Variants in NDUFA10 observed in about 807,000 individuals in gnomAD.
NDUFA10 encodes the protein NADH dehydrogenase [ubiquinone] 1 alpha subcomplex subunit 10, mitochondrial.
Under a neutral mutation model 47.8 loss-of-function variants are expected in NDUFA10, and 40 were observed. The observed-to-expected ratio is 0.84, with a 90% confidence interval of 0.65 to 1.09. NDUFA10 has a LOEUF of 1.09. Among genes scored for constraint, NDUFA10 ranks in the 50% least tolerant of loss-of-function variants. NDUFA10 has a pLI of 0.00. For missense variants in NDUFA10, 413 were observed against 451.1 expected (o/e 0.92, Z 0.76); for synonymous variants, 183 against 172.2 (o/e 1.06, Z -0.49).
chr2:239,922,365 G>T (rs1262088300), intron 4 of NDUFA10, among the ~76,000 whole-genome samples: 1 of 152,172 alleles, frequency 6.6e-6, no homozygotes, highest in Non-Finnish European at 1.5e-5. Flanking sequence ...GTCTCAGAGG[G>T]GCTCAAGGCA....
At chr2:239,935,065 T>C (rs1694241375) in intron 4 of NDUFA10, among the ~76,000 whole-genome samples, 1 of 151,852 alleles carries the variant, frequency 6.6e-6, no homozygotes, top group Admixed American at 6.6e-5. Flanking sequence ...CCTGGGAGAG[T>C]CCTTCTCTCT....
intron 8 of NDUFA10, among the ~76,000 whole-genome samples, chr2:239,991,049 G>A (rs1332827815): frequency 6.6e-6 from 1 of 152,138 alleles, no homozygotes; most frequent in East Asian, 1.9e-4. Flanking sequence ...GAAATTATGT[G>A]AGTGTATCTG....
chr2:239,940,268 C>T (rs1694339976), intron 4 of NDUFA10, among the ~76,000 whole-genome samples: 1 of 152,218 alleles, frequency 6.6e-6, no homozygotes, highest in Non-Finnish European at 1.5e-5. Context: ...GGATGTGGCC[C>T]CCGGGCCAGT....
chr2:239,916,040 TCACA>T (rs1021539694), intron 4 of NDUFA10, among the ~76,000 whole-genome samples: 22 of 81,374 alleles, frequency 2.7e-4, no homozygotes, highest in African/African-American at 1.4e-3. Context: ...ACAGAGATAC[TCACA>T]CAAACATACA....
intron 9 of NDUFA10, among the ~76,000 whole-genome samples, chr2:239,977,228 C>T (rs1488466257): frequency 1.3e-5 from 2 of 152,218 alleles, no homozygotes; most frequent in Non-Finnish European, 2.9e-5. Flanking sequence ...GCCGTCTTCT[C>T]GTGTTGTTCA....
chr2:240,022,439 A>G, intron 1 of NDUFA10, 99 bp from the exon 2 acceptor site: 1 of 1,525,566 alleles, frequency 6.6e-7, no homozygotes. Context: ...CCTCTTAGTG[A>G]TAAAAATGCC....
intron 9 of NDUFA10, chr2:239,973,493 A>T (rs1348398987): frequency 2.1e-6 from 1 of 470,872 alleles, no homozygotes; most frequent in Non-Finnish European, 4.4e-6. Context: ...TAGTAAAAGA[A>T]ACAAAAATAG....
At chr2:239,982,852 G>C (rs77849647) in intron 9 of NDUFA10, among the ~76,000 whole-genome samples, 2,461 of 152,326 alleles carry the variant, frequency 0.016, 69 homozygotes, top group African/African-American at 0.057. Context: ...TAGAGCAACA[G>C]TTGTTTTTTC....
At chr2:239,934,702 T>C (rs957186211) in intron 4 of NDUFA10, among the ~76,000 whole-genome samples, 1 of 152,186 alleles carries the variant, frequency 6.6e-6, no homozygotes, top group Non-Finnish European at 1.5e-5. Flanking sequence ...TCATTCGTCC[T>C]GTCAGCTGCG....
intron 4 of NDUFA10, among the ~76,000 whole-genome samples, chr2:239,909,784 A>G (rs1693717294): frequency 6.6e-6 from 1 of 152,228 alleles, no homozygotes; most frequent in African/African-American, 2.4e-5. Flanking sequence ...CTGCACAGCA[A>G]AAGAAACTAT....
At chr2:239,917,745 T>C (rs921358817) in intron 4 of NDUFA10, among the ~76,000 whole-genome samples, 3 of 152,242 alleles carry the variant, frequency 2.0e-5, no homozygotes, top group Non-Finnish European at 4.4e-5. Context: ...AGTCATGTGC[T>C]GTCTTTGTTC....
chr2:239,927,113 G>A (rs1055587550), intron 4 of NDUFA10, among the ~76,000 whole-genome samples: 2 of 152,130 alleles, frequency 1.3e-5, no homozygotes, highest in Non-Finnish European at 2.9e-5. Context: ...AGACTTGGGT[G>A]GGGACACAGT....
chr2:239,986,250 T>A (rs1298238247), intron 9 of NDUFA10, among the ~76,000 whole-genome samples: 1 of 152,214 alleles, frequency 6.6e-6, no homozygotes, highest in East Asian at 1.9e-4. Context: ...CCTGCAGGAA[T>A]GAAGACAGCC....
rs373237659 is a variant in NDUFA10, at chr2:240,016,155, C to T, written c.548-1295G>A. On this transcript the variant is annotated intron_variant, in intron 4 of 9. Coordinates refer to ENST00000252711, the MANE Select transcript of NDUFA10 (RefSeq NM_004544.4). This position sits in a 1 kb window ranked among gnomAD's most constrained non-coding sequence, Gnocchi z 4.4. ...CTTTGGCTCAGGGTCAGGAACGGCA[C>T]GAGCTAAAGAACAAGGAAGACCACC... Among the ~76,000 whole-genome samples, 9 of 152,298 alleles carry T rather than the reference C, an allele frequency of 5.9e-5. No homozygotes were observed. The East Asian group carries it at 1.4e-3, about 23-fold the overall frequency.
At chr2:240,005,402 G>A in intron 7 of NDUFA10, 107 bp from the exon 8 acceptor site, 1 of 879,676 alleles carries the variant, frequency 1.1e-6, no homozygotes, top group Non-Finnish European at 1.9e-6. Context: ...AGGCTGGAAA[G>A]TAGTGGCACA....
chr2:239,990,360 G>A (rs79451541), intron 8 of NDUFA10, among the ~76,000 whole-genome samples, 178 bp from the exon 9 acceptor site: 3,146 of 152,260 alleles, frequency 0.021, 58 homozygotes, highest in Non-Finnish European at 0.033. Context: ...CCACATGGTC[G>A]ATCTGGAGCT....
Position 240,022,280 on chromosome 2 carries a change from C to T in NDUFA10, c.136G>A (p.Gly46Arg). 3 of 1,614,064 alleles carry T rather than the reference C, an allele frequency of 1.9e-6. No individual in the cohort carries two copies. The highest frequency in any genetic ancestry group is 3.3e-5 in the Admixed American group (2 of 60,012). Reference protein sequence around the residue: ...LRYGMWHFLLGDKASKRLTER... With the variant: ...LRYGMWHFLLRDKASKRLTER... ...GTCAGTCTTTTGCTTGCTTTATCCC[C>T]AAGTAGGAAATGCCACATTCCATAG... The change falls in exon 2 of 10, where the codon GGG becomes AGG. Residue 46 changes from glycine (G) to arginine (R), a missense_variant. Gly to Arg is a moderately radical substitution (Grantham distance 125). Transcript: ENST00000252711.
chr2:239,953,230 G>T (rs181321321), downstream of NDUFA10, among the ~76,000 whole-genome samples: 17 of 152,294 alleles, frequency 1.1e-4, 1 homozygote, highest in Middle Eastern at 3.4e-3. Flanking sequence ...GCAGAGAGGA[G>T]AGGTGACTAG....
chr2:239,993,891 C>T (rs4149547), intron 8 of NDUFA10, among the ~76,000 whole-genome samples: 43,065 of 151,854 alleles, frequency 0.28, 6,928 homozygotes, highest in East Asian at 0.38. Context: ...CCTGAACAGA[C>T]GGCAGGAGGG....
Sources: allele counts gnomAD v4.1 joint callset (sites outside exome capture counted in the v4.1 genomes callset), GRCh38; gene constraint gnomAD v4.1.1; non-coding constraint Gnocchi (gnomAD v3.1); transcripts MANE v1.5; gene names NCBI Gene and HGNC (gene_info 2026-07-23, HGNC 2026-07-21).